The following PTER variants were observed in gnomAD, a reference collection of about 807,000 sequenced individuals.
PTER encodes the protein phosphotriesterase related.
PTER carries 38 observed loss-of-function variants against 29.6 expected under a neutral mutation model. The ratio of observed to expected loss-of-function variants is 1.28; its 90% CI spans 0.99 to 1.68. The LOEUF is 1.68. PTER is among the 40% of genes most tolerant of loss of function. The probability of loss-of-function intolerance (pLI) is 0.00; values close to 1 mark genes in which losing one functional copy is unlikely to be tolerated. For synonymous variants in PTER, 172 were observed against 154.5 expected (o/e 1.11, Z -0.84); for missense variants, 482 against 427.8 (o/e 1.13, Z -1.12).
At chr10:16,516,576 G>A (rs1836954539), downstream of PTER, among the ~76,000 whole-genome samples, 1 of 152,122 alleles carries the variant, frequency 6.6e-6, no homozygotes, top group Admixed American at 6.5e-5. Context: ...AGTGCTTTGG[G>A]TATTTAGGAC....
intron 1 of PTER, among the ~76,000 whole-genome samples, chr10:16,444,828 GAAT>G (rs1833963597): frequency 6.6e-6 from 1 of 152,174 alleles, no homozygotes; most frequent in Non-Finnish European, 1.5e-5. Flanking sequence ...CCTCAGAATA[GAAT>G]AATAGGGTTT....
chr10:16,468,291 G>A (rs1245635104), intron 1 of PTER, among the ~76,000 whole-genome samples: 3 of 152,048 alleles, frequency 2.0e-5, no homozygotes, highest in East Asian at 1.9e-4. Flanking sequence ...GCAGTGAGCC[G>A]AGATCAAACC....
chr10:16,498,669 C>T (rs1035317959), intron 3 of PTER, among the ~76,000 whole-genome samples: 1 of 152,218 alleles, frequency 6.6e-6, no homozygotes, highest in African/African-American at 2.4e-5. Context: ...AGCACCTCCA[C>T]TCTTCTAAGA....
At chr10:16,498,429 C>T (rs1012472105) in intron 3 of PTER, among the ~76,000 whole-genome samples, 11 of 152,030 alleles carry the variant, frequency 7.2e-5, no homozygotes, top group African/African-American at 2.7e-4. Context: ...ACTAAAAATA[C>T]AAAATTAGCT....
chr10:16,454,302 C>T (rs187374574), intron 1 of PTER, among the ~76,000 whole-genome samples: 50 of 152,212 alleles, frequency 3.3e-4, no homozygotes, highest in African/African-American at 1.1e-3. Context: ...CTGCCAGGCA[C>T]GGTGGCTCAC....
intron 4 of PTER, among the ~76,000 whole-genome samples, chr10:16,506,233 G>T (rs1400774740): frequency 6.6e-6 from 1 of 152,164 alleles, no homozygotes; most frequent in African/African-American, 2.4e-5. Context: ...GGTGGGCCGT[G>T]AGGAAGAGGA....
At chr10:16,517,071 T>C (rs1836963094), downstream of PTER, among the ~76,000 whole-genome samples, 1 of 152,184 alleles carries the variant, frequency 6.6e-6, no homozygotes, top group African/African-American at 2.4e-5. Context: ...GCCATCAAAC[T>C]ATTGAGGAAG....
rs2133504573 is a variant in PTER, at chr10:16,505,176, C to T, written c.839+16C>T. On this transcript the variant is annotated intron_variant, in intron 4 of 4. Transcript: ENST00000535784. ...GAATTAGAAGGTAAATATGGTAAAG[C>T]CTCTCATAGCATTCCCTTTCCCTAG... is the stretch of plus-strand genomic sequence containing the variant. The T allele has an allele frequency of 6.2e-7, 1 of 1,612,544 alleles. No individual in the cohort carries two copies. The highest frequency in any genetic ancestry group is 8.5e-7 in the Non-Finnish European group (1 of 1,179,134).
intron 4 of PTER, among the ~76,000 whole-genome samples, chr10:16,505,411 G>A (rs558325993): frequency 2.0e-5 from 3 of 152,176 alleles, no homozygotes; most frequent in African/African-American, 7.2e-5. Flanking sequence ...CAGCTGACAG[G>A]AAACACAGAT....
At chr10:16,514,761 T>G (rs1265876935), downstream of PTER, 3 of 1,384,552 alleles carry the variant, frequency 2.2e-6, no homozygotes, top group Non-Finnish European at 2.0e-6. Flanking sequence ...TCAAGTTTTC[T>G]TTTTTGCCAT....
intron 1 of PTER, among the ~76,000 whole-genome samples, chr10:16,453,171 C>T (rs1469295028): frequency 1.3e-5 from 2 of 152,164 alleles, no homozygotes; most frequent in Non-Finnish European, 2.9e-5. Context: ...CGGCCTCAGC[C>T]TTCCAAAGTG....
chr10:16,485,435 T>A (rs1292764793), intron 2 of PTER, among the ~76,000 whole-genome samples: 1 of 152,206 alleles, frequency 6.6e-6, no homozygotes, highest in Non-Finnish European at 1.5e-5. Context: ...GTGTATGTGT[T>A]CTCTTTCTAA....
At chr10:16,468,717 A>G (rs1834935557) in intron 1 of PTER, among the ~76,000 whole-genome samples, 1 of 152,160 alleles carries the variant, frequency 6.6e-6, no homozygotes, top group African/African-American at 2.4e-5. Context: ...GCTCATGCCT[A>G]TAATCCCATT....
chr10:16,444,481 G>A (rs1386654756), intron 1 of PTER, among the ~76,000 whole-genome samples: 3 of 151,568 alleles, frequency 2.0e-5, no homozygotes, highest in South Asian at 4.2e-4. Context: ...CTTTATTCTC[G>A]TGCTTTTGTC....
intron 1 of PTER, among the ~76,000 whole-genome samples, chr10:16,447,860 AG>A (rs1463167815): frequency 1.3e-5 from 2 of 152,206 alleles, no homozygotes; most frequent in Non-Finnish European, 2.9e-5. Context: ...GAGAGAAGGC[AG>A]GGTGGCAGGA....
intron 3 of PTER, among the ~76,000 whole-genome samples, chr10:16,495,513 G>GA (rs1386922665): frequency 6.6e-6 from 1 of 152,140 alleles, no homozygotes; most frequent in African/African-American, 2.4e-5. Context: ...ATCAGTCACT[G>GA]AAATTCAACA....
At chr10:16,461,628 G>T (rs980304553) in intron 1 of PTER, among the ~76,000 whole-genome samples, 1 of 152,062 alleles carries the variant, frequency 6.6e-6, no homozygotes, top group African/African-American at 2.4e-5. Context: ...TCTGTCAGGT[G>T]CCACACTCTC....
chr10:16,496,382 C>T (rs11812837), intron 3 of PTER, among the ~76,000 whole-genome samples: 3,341 of 152,270 alleles, frequency 0.022, 116 homozygotes, highest in African/African-American at 0.077. Context: ...TCTCGTTATT[C>T]CCAGTATGCA....
Position 16,511,218 on chromosome 10 carries a change from C to T in PTER, c.1012C>T (p.Leu338=). The change falls in exon 5 of 5, where the codon CTA becomes TTA. Residue 338 remains leucine, a synonymous_variant. Coordinates refer to ENST00000535784, the MANE Select transcript of PTER (RefSeq NM_001261836.2). ...GITENVLDKI[L]IENPKQWLTF... is the part of the protein sequence containing the mutation. ...AACTGAGAATGTGCTTGATAAGATT[C>T]TAATAGAGAACCCTAAGCAATGGCT... 1 of 1,614,090 alleles carries T rather than the reference C, an allele frequency of 6.2e-7. No individual in the cohort carries two copies. The highest frequency in any genetic ancestry group is 8.5e-7 in the Non-Finnish European group (1 of 1,179,960).
Sources: allele counts gnomAD v4.1 joint callset (sites outside exome capture counted in the v4.1 genomes callset), GRCh38; gene constraint gnomAD v4.1.1; transcripts MANE v1.5; gene names NCBI Gene and HGNC (gene_info 2026-07-23, HGNC 2026-07-21).